The following RANBP2 variants were observed in gnomAD, a reference collection of about 807,000 sequenced individuals.
RANBP2 encodes the protein RAN binding protein 2, also known as E3 SUMO-protein ligase RanBP2.
Under a neutral mutation model 303.6 loss-of-function variants are expected in RANBP2, and 57 were observed. The observed-to-expected ratio is 0.19, with a 90% CI of 0.15 to 0.23. RANBP2 has a LOEUF of 0.23. Among genes scored for constraint, RANBP2 ranks in the 10% least tolerant of loss-of-function variants. The pLI is 1.00. For missense variants in RANBP2, 3,138 were observed against 3,780.8 expected (o/e 0.83, Z 4.46); for synonymous variants, 1,167 against 1,301.5 (o/e 0.90, Z 2.23).
the RANBP2 span, among the ~76,000 whole-genome samples, chr2:109,337,983 C>T: frequency 5.9e-4 from 90 of 152,188 alleles, no homozygotes; most frequent in African/African-American, 2.0e-3. Context: ...CTGCCTGCTG[C>T]GGCCTCCCAA....
At chr2:109,653,930 A>G in the RANBP2 span, among the ~76,000 whole-genome samples, 1 of 152,140 alleles carries the variant, frequency 6.6e-6, no homozygotes, top group Admixed American at 6.5e-5. Flanking sequence ...CTTTGGCAGT[A>G]AGCTGTGTTC....
chr2:108,940,182 G>A, the RANBP2 span: 1 of 152,288 alleles, frequency 6.6e-6, no homozygotes, highest in Non-Finnish European at 1.5e-5. Context: ...ATGACGTGAA[G>A]AGGCGGTAAA....
At chr2:109,453,325 C>A in the RANBP2 span, among the ~76,000 whole-genome samples, 1 of 150,732 alleles carries the variant, frequency 6.6e-6, no homozygotes, top group Admixed American at 6.6e-5. Flanking sequence ...CAGTAGAACT[C>A]AAATCTGGTT....
At chr2:109,551,416 A>C in the RANBP2 span, among the ~76,000 whole-genome samples, 1 of 152,216 alleles carries the variant, frequency 6.6e-6, no homozygotes, top group Non-Finnish European at 1.5e-5. Flanking sequence ...AAAAGAAACT[A>C]AACAAACATA....
the RANBP2 span, among the ~76,000 whole-genome samples, chr2:109,325,651 A>G: frequency 6.6e-6 from 1 of 152,094 alleles, no homozygotes; most frequent in Non-Finnish European, 1.5e-5. Flanking sequence ...TTCCATTCTC[A>G]GCACTGATCG....
the RANBP2 span, among the ~76,000 whole-genome samples, chr2:109,433,274 A>G: frequency 2.0e-5 from 3 of 152,246 alleles, no homozygotes; most frequent in Non-Finnish European, 4.4e-5. Flanking sequence ...AGGAAAAATG[A>G]TATCTTCCCA....
chr2:109,690,290 C>T, the RANBP2 span, among the ~76,000 whole-genome samples: 6,887 of 152,178 alleles, frequency 0.045, 462 homozygotes, highest in African/African-American at 0.15. Flanking sequence ...TCTGGAAAAG[C>T]GGGACAACTC....
chr2:108,819,782 A>T, the RANBP2 span, among the ~76,000 whole-genome samples: 1 of 152,216 alleles, frequency 6.6e-6, no homozygotes, highest in Non-Finnish European at 1.5e-5. Context: ...AAAGGATCAG[A>T]AGGCATACAA....
the RANBP2 span, among the ~76,000 whole-genome samples, chr2:109,664,886 C>T: frequency 5.9e-5 from 9 of 151,380 alleles, no homozygotes; most frequent in East Asian, 1.9e-4. Context: ...GCCAAGATCA[C>T]GCTATTCCAC....
intron 15 of RANBP2, among the ~76,000 whole-genome samples, chr2:108,754,342 C>A (rs955436454): frequency 2.0e-5 from 3 of 151,422 alleles, no homozygotes; most frequent in African/African-American, 7.4e-5. Context: ...AAGAGCATTT[C>A]TTCTCATCCT....
At chr2:108,976,727 A>G in the RANBP2 span, among the ~76,000 whole-genome samples, 1 of 152,090 alleles carries the variant, frequency 6.6e-6, no homozygotes, top group Non-Finnish European at 1.5e-5. Context: ...TTGTTGCTCA[A>G]ATTGTCTCAG....
chr2:109,188,755 C>T, the RANBP2 span, among the ~76,000 whole-genome samples: 1 of 152,158 alleles, frequency 6.6e-6, no homozygotes, highest in Admixed American at 6.5e-5. Flanking sequence ...TGAGAGACAC[C>T]ATCGCAGAAG....
the RANBP2 span, among the ~76,000 whole-genome samples, chr2:108,857,891 G>A: frequency 6.6e-6 from 1 of 152,214 alleles, no homozygotes; most frequent in Non-Finnish European, 1.5e-5. Flanking sequence ...GACAGAGATG[G>A]CATCTTTCTC....
the RANBP2 span, among the ~76,000 whole-genome samples, chr2:109,284,905 T>G: frequency 6.6e-6 from 1 of 152,256 alleles, no homozygotes; most frequent in East Asian, 1.9e-4. Context: ...CACACTGGGC[T>G]CGTCTGCTTC....
the RANBP2 span, among the ~76,000 whole-genome samples, chr2:108,941,023 C>A: frequency 1.3e-5 from 2 of 152,170 alleles, no homozygotes; most frequent in African/African-American, 4.8e-5. Context: ...ATCAATCTGC[C>A]CCACGCTGGG....
At chr2:108,889,749 A>G in the RANBP2 span, among the ~76,000 whole-genome samples, 8 of 152,132 alleles carry the variant, frequency 5.3e-5, no homozygotes, top group Admixed American at 3.3e-4. Flanking sequence ...CAGCTATTCT[A>G]TATCTTTTAA....
chr2:108,749,088 T>A lies in RANBP2; in HGVS notation c.1232T>A (p.Val411Glu). Residue 411 changes from valine (V) to glutamate (E), a missense_variant, in exon 9 of 29, where the codon GTA (valine) becomes GAA (glutamate). Physicochemically the swap from Val to Glu is moderately radical, Grantham distance 121. Around this residue, in one of 20 missense-constraint regions of RANBP2, gnomAD observed 95 missense variants for 86.4 expected, o/e 1.10. Coordinates refer to ENST00000283195, the MANE Select transcript of RANBP2 (RefSeq NM_006267.5). ...LGSDDIGNIDVREPELEDLTR... is the reference protein window; with the variant it reads ...LGSDDIGNIDEREPELEDLTR... ...AGCGATGATATTGGAAACATTGATG[T>A]ACGAGAACCAGAGCTTGAAGATTTG... The A allele has an allele frequency of 2.5e-6, 4 of 1,612,018 alleles. No individual in the cohort carries two copies. The highest frequency in any genetic ancestry group is 3.4e-6 in the Non-Finnish European group (4 of 1,179,860).
At chr2:109,563,597 T>C in the RANBP2 span, among the ~76,000 whole-genome samples, 1 of 152,212 alleles carries the variant, frequency 6.6e-6, no homozygotes, top group East Asian at 1.9e-4. Flanking sequence ...CAGCACCATA[T>C]AAAATTACCA....
At chr2:109,122,983 C>T in the RANBP2 span, among the ~76,000 whole-genome samples, 5 of 152,296 alleles carry the variant, frequency 3.3e-5, no homozygotes, top group East Asian at 1.9e-4. Flanking sequence ...TAGGCAGCCT[C>T]GGTAACTTGC....
Sources: allele counts gnomAD v4.1 joint callset (sites outside exome capture counted in the v4.1 genomes callset), GRCh38; gene constraint gnomAD v4.1.1; regional missense constraint gnomAD v4.1.1; transcripts MANE v1.5; gene names NCBI Gene and HGNC (gene_info 2026-07-23, HGNC 2026-07-21).